The following BABAM2 variants were observed in gnomAD, a reference collection of about 807,000 sequenced individuals.
BABAM2 encodes BRISC and BRCA1-A complex member 2.
A neutral mutation model predicts 54.7 loss-of-function variants in BABAM2; 31 were observed. The ratio of observed to expected loss-of-function variants is 0.57; its 90% confidence interval spans 0.43 to 0.77. The LOEUF (loss-of-function observed/expected upper bound fraction) is 0.77. Among genes scored for constraint, BABAM2 ranks in the 30% least tolerant of loss-of-function variants. The pLI is 0.00. For synonymous variants in BABAM2, 167 were observed against 162.9 expected (o/e 1.03, Z -0.19); for missense variants, 364 against 455.8 (o/e 0.80, Z 1.83).
At chr2:27,954,937 C>A (rs888455392) in intron 3 of BABAM2, among the ~76,000 whole-genome samples, 2 of 152,086 alleles carry the variant, frequency 1.3e-5, no homozygotes, top group Admixed American at 1.3e-4. Context: ...TGTGTGCCAG[C>A]AAACATGTGA....
At chr2:28,164,212 G>A (rs975472157) in intron 7 of BABAM2, among the ~76,000 whole-genome samples, 2 of 152,190 alleles carry the variant, frequency 1.3e-5, no homozygotes, top group African/African-American at 4.8e-5. Context: ...CCCAGTGCAG[G>A]TGGAGTAGAG....
chr2:27,934,667 C>A (rs1668364163), intron 3 of BABAM2, among the ~76,000 whole-genome samples: 1 of 152,186 alleles, frequency 6.6e-6, no homozygotes, highest in Admixed American at 6.5e-5. Flanking sequence ...AGAAAAATTT[C>A]TTGAAGGAAA....
intron 10 of BABAM2, among the ~76,000 whole-genome samples, chr2:28,250,708 T>A (rs1683392930): frequency 6.6e-6 from 1 of 151,928 alleles, no homozygotes; most frequent in Non-Finnish European, 1.5e-5. Context: ...CAAGCAATTC[T>A]CCTGCCTCAG....
chr2:28,122,437 T>C (rs570795058), intron 6 of BABAM2, among the ~76,000 whole-genome samples: 63 of 152,280 alleles, frequency 4.1e-4, no homozygotes, highest in Admixed American at 6.5e-4. Flanking sequence ...AAGCACTTAC[T>C]TGATTTTCGA....
chr2:28,289,754 A>T lies in BABAM2; in HGVS notation c.935-8584A>T, dbSNP rs533064611. Among the ~76,000 whole-genome samples, 21 of 152,266 alleles carry T rather than the reference A, an allele frequency of 1.4e-4. No individual in the cohort carries two copies. In the South Asian group the frequency reaches 4.4e-3, roughly 32 times the overall value. Reference sequence around the variant, plus strand: ...TGCAGTGAGCCGAGATCACGCTACCACACTCCACCCCGTGTGACAGAGAGA... The same window carrying T: ...TGCAGTGAGCCGAGATCACGCTACCTCACTCCACCCCGTGTGACAGAGAGA... On this transcript the variant is annotated intron_variant, in intron 10 of 11. Transcript: ENST00000379624.
In BABAM2 at chr2:28,076,489, G is replaced by T. The variant is rs112246936; in HGVS notation, c.570+30690G>T. Among the ~76,000 whole-genome samples the T allele has an allele frequency of 1.9e-3, 271 of 139,000 alleles. 1 individual carries two copies. The highest frequency in any genetic ancestry group is 6.5e-3 in the African/African-American group (230 of 35,150). 91.2% of individuals were successfully genotyped at this position (139,000 alleles called of 152,430 possible). ...ATTTATTTATTTATTTATTTAGTTA[G>T]TTAGTTAGTTAGTTAGTTATTTTTG... is the stretch of plus-strand genomic sequence containing the variant. On this transcript the variant is annotated intron_variant, in intron 6 of 11. Transcript: ENST00000379624.
chr2:28,207,239 C>A (rs1308654164), intron 7 of BABAM2, among the ~76,000 whole-genome samples: 1 of 152,032 alleles, frequency 6.6e-6, no homozygotes, highest in Non-Finnish European at 1.5e-5. Context: ...TGCAGTGGCT[C>A]ACACCTGTAA....
intron 10 of BABAM2, among the ~76,000 whole-genome samples, chr2:28,291,391 G>C (rs1368058097): frequency 6.6e-6 from 1 of 152,140 alleles, no homozygotes; most frequent in South Asian, 2.1e-4. Flanking sequence ...TCAGGAGTTC[G>C]AGACCAGCCT....
At chr2:28,035,241 T>C (rs926806545) in intron 5 of BABAM2, among the ~76,000 whole-genome samples, 5 of 152,194 alleles carry the variant, frequency 3.3e-5, no homozygotes, top group African/African-American at 9.7e-5. Context: ...ATTTGTACTT[T>C]GCATTATTTT....
At chr2:28,243,190 G>T in intron 9 of BABAM2, among the ~76,000 whole-genome samples, 1 of 152,078 alleles carries the variant, frequency 6.6e-6, no homozygotes, top group East Asian at 1.9e-4. Context: ...TGGGATGCAG[G>T]ATCTGAAAAG....
At position 28,125,466 on chromosome 2, in the gene BABAM2, G is replaced by A. The variant is rs567168393; in HGVS notation, c.571-3805G>A. On this transcript the variant is annotated intron_variant, in intron 6 of 11. Coordinates refer to ENST00000379624, the MANE Select transcript of BABAM2 (RefSeq NM_199191.3). ...GTGCCACCACGCCTGGCTAATTTTT[G>A]TATTTTTAGTAGAGATGGGGTTTAC... Among the ~76,000 whole-genome samples the A allele has an allele frequency of 9.2e-5, 14 of 151,956 alleles. No homozygotes were observed. The East Asian group carries it at 2.5e-3, about 27-fold the overall frequency.
At chr2:28,327,120 G>A (rs1029976857) in intron 11 of BABAM2, among the ~76,000 whole-genome samples, 2 of 152,214 alleles carry the variant, frequency 1.3e-5, no homozygotes, top group African/African-American at 4.8e-5. Flanking sequence ...GTTGGTATGT[G>A]TAGATGCGTG....
chr2:28,308,493 G>A, intron 11 of BABAM2: 4 of 527,718 alleles, frequency 7.6e-6, no homozygotes, highest in South Asian at 5.5e-5. Flanking sequence ...GATCAAACAG[G>A]CTGTGAAGAA....
intron 6 of BABAM2, among the ~76,000 whole-genome samples, chr2:28,064,911 G>A (rs965018731): frequency 4.6e-5 from 7 of 151,920 alleles, no homozygotes. Context: ...GCCGAGGCAG[G>A]AGAAATGCTT....
At chr2:28,230,560 C>CAA (rs35644487) in intron 7 of BABAM2, among the ~76,000 whole-genome samples, 1,475 of 142,250 alleles carry the variant, frequency 0.01, 16 homozygotes, top group African/African-American at 0.03. Flanking sequence ...ACTAAAAATA[C>CAA]AAAAAAAAAA....
intron 3 of BABAM2, among the ~76,000 whole-genome samples, chr2:27,969,023 G>A (rs1210751716): frequency 6.6e-6 from 1 of 152,156 alleles, no homozygotes; most frequent in Non-Finnish European, 1.5e-5. Flanking sequence ...GTTGTGGGAG[G>A]TACACAGTGG....
At chr2:28,143,986 G>A (rs1420137573) in intron 7 of BABAM2, among the ~76,000 whole-genome samples, 1 of 152,100 alleles carries the variant, frequency 6.6e-6, no homozygotes, top group Non-Finnish European at 1.5e-5. Flanking sequence ...AAATGCAAAG[G>A]CACACACTGG....
At chr2:28,237,426 C>T (rs1682014722) in intron 8 of BABAM2, 125 bp downstream of exon 8, 1 of 756,382 alleles carries the variant, frequency 1.3e-6, no homozygotes, top group Admixed American at 2.2e-5. Flanking sequence ...CTCCATCTGA[C>T]ACCTGCCCTT....
intron 6 of BABAM2, among the ~76,000 whole-genome samples, chr2:28,069,589 C>T (rs1663933813): frequency 6.6e-6 from 1 of 152,142 alleles, no homozygotes; most frequent in African/African-American, 2.4e-5. Flanking sequence ...TGTGGTGCTA[C>T]TTTCGAGCAG....
Sources: allele counts gnomAD v4.1 joint callset (sites outside exome capture counted in the v4.1 genomes callset), GRCh38; gene constraint gnomAD v4.1.1; transcripts MANE v1.5; gene names NCBI Gene and HGNC (gene_info 2026-07-23, HGNC 2026-07-21).